ANO2: variants seen among roughly 807,000 people sequenced by gnomAD.
ANO2 encodes anoctamin 2.
Under a neutral mutation model 124.2 loss-of-function variants are expected in ANO2, and 101 were observed. The ratio of observed to expected loss-of-function variants is 0.81; its 90% confidence interval spans 0.69 to 0.96. ANO2 has a LOEUF of 0.96. Among genes scored for constraint, ANO2 ranks in the 40% least tolerant of loss-of-function variants. The probability of loss-of-function intolerance (pLI) is 0.00; values close to 1 mark genes in which losing one functional copy is unlikely to be tolerated. For missense variants in ANO2, 1,293 were observed against 1,274.5 expected, an observed-to-expected ratio of 1.01 and a Z score of -0.22; for synonymous variants, 486 against 482.5, an observed-to-expected ratio of 1.01 and a Z score of -0.09.
intron 14 of ANO2, among the ~76,000 whole-genome samples, chr12:5,725,097 TCACACACACA>T (rs35973206): frequency 1.3e-4 from 19 of 143,490 alleles, no homozygotes; most frequent in African/African-American, 4.5e-4. Flanking sequence ...TGTCTCCCTC[TCACACACACA>T]CACACACACA....
rs183302272 is a variant in ANO2, at chr12:5,862,992, G to A, written c.535-8851C>T. On this transcript the variant is annotated intron_variant, in intron 3 of 24. Transcript: ENST00000682330. This position sits in a 1 kb window ranked among gnomAD's most constrained non-coding sequence, Gnocchi z 4.0. ...TTTTTTTCTTTTTTTTAGTAGAGAC[G>A]GTGAGGGGAAACCCCTTTCATTTGG... 4.6e-5 allele frequency among the ~76,000 whole-genome samples: 7 copies of A among 151,868 alleles called. No homozygotes were observed. The highest frequency in any genetic ancestry group is 3.9e-4 in the East Asian group (2 of 5,156).
At chr12:5,869,807 C>A (rs1332024219) in intron 3 of ANO2, among the ~76,000 whole-genome samples, 1 of 152,260 alleles carries the variant, frequency 6.6e-6, no homozygotes, top group African/African-American at 2.4e-5. Flanking sequence ...CCCTGAGACA[C>A]CTGCCCCCTT....
chr12:5,903,678 G>GTGTGTGTGTGT (rs1565765485), intron 3 of ANO2, among the ~76,000 whole-genome samples: 8 of 108,600 alleles, frequency 7.4e-5, no homozygotes, highest in African/African-American at 2.6e-4. Flanking sequence ...TGTGTGTGTG[G>GTGTGTGTGTGT]GTGTAGACAG....
Position 5,801,452 on chromosome 12 carries a change from G to A in ANO2, c.991-1881C>T, listed in dbSNP as rs754612112. 5.9e-5 allele frequency among the ~76,000 whole-genome samples: 9 copies of A among 152,114 alleles called. 1 individual carries two copies. In the South Asian group the frequency reaches 8.3e-4, roughly 14 times the overall value. Reference sequence around the variant, plus strand: ...TCCTACCACATCACACACATTTCACGAGGAAATCTGTCAAGGAGAACCTAC... The same window carrying A: ...TCCTACCACATCACACACATTTCACAAGGAAATCTGTCAAGGAGAACCTAC... On this transcript the variant is annotated intron_variant, in intron 9 of 24. Coordinates refer to ENST00000682330, the MANE Select transcript of ANO2 (RefSeq NM_001364791.2).
At chr12:5,877,868 G>A (rs945751616) in intron 3 of ANO2, among the ~76,000 whole-genome samples, 2 of 152,322 alleles carry the variant, frequency 1.3e-5, no homozygotes, top group African/African-American at 2.4e-5. Context: ...ATCGAATGCC[G>A]CCGCTGATCT....
chr12:5,899,989 G>A (rs370826869), intron 3 of ANO2, among the ~76,000 whole-genome samples: 146 of 152,300 alleles, frequency 9.6e-4, no homozygotes, highest in African/African-American at 2.7e-3. Flanking sequence ...AAATTCATCA[G>A]CATCTTCTGA....
intron 15 of ANO2, among the ~76,000 whole-genome samples, chr12:5,647,201 A>G (rs909448670): frequency 3.3e-5 from 5 of 152,182 alleles, no homozygotes; most frequent in Admixed American, 2.6e-4. Flanking sequence ...CTACCACTTT[A>G]TTGATCTAAG....
intron 10 of ANO2, among the ~76,000 whole-genome samples, chr12:5,768,818 G>C (rs576846816): frequency 2.1e-4 from 32 of 152,214 alleles, no homozygotes; most frequent in Non-Finnish European, 3.2e-4. Flanking sequence ...AGCAGACACA[G>C]TAGCCACTCC....
chr12:5,604,077 G>C (rs932517576), intron 19 of ANO2, among the ~76,000 whole-genome samples: 1 of 152,086 alleles, frequency 6.6e-6, no homozygotes, highest in African/African-American at 2.4e-5. Flanking sequence ...CAGAGTCTGG[G>C]GTGATAGCAA....
At chr12:5,697,151 AG>A (rs765178913) in intron 14 of ANO2, among the ~76,000 whole-genome samples, 54 of 152,164 alleles carry the variant, frequency 3.5e-4, no homozygotes, top group Admixed American at 7.9e-4. Context: ...ATTGAAAAGG[AG>A]GCTGGGCATG....
At chr12:5,897,433 G>A (rs555617703) in intron 3 of ANO2, among the ~76,000 whole-genome samples, 4 of 152,334 alleles carry the variant, frequency 2.6e-5, no homozygotes, top group Admixed American at 2.0e-4. Context: ...GAGGCAGATT[G>A]GAGTAGGCTG....
intron 3 of ANO2, chr12:5,870,156 A>T (rs1328201080): frequency 1.3e-5 from 2 of 152,338 alleles, no homozygotes; most frequent in African/African-American, 2.4e-5. Flanking sequence ...TCTGCAGAGA[A>T]GCCTGGGGAG....
At chr12:5,878,577 A>C (rs1938268913) in intron 3 of ANO2, among the ~76,000 whole-genome samples, 1 of 152,256 alleles carries the variant, frequency 6.6e-6, no homozygotes, top group African/African-American at 2.4e-5. Flanking sequence ...GATTCAAATA[A>C]CATAGACAAA....
chr12:5,788,380 T>A (rs892414998), intron 10 of ANO2, among the ~76,000 whole-genome samples: 37 of 152,204 alleles, frequency 2.4e-4, no homozygotes, highest in Non-Finnish European at 4.4e-4. Context: ...TATTAATAGC[T>A]CTCACTTTCA....
At chr12:5,600,011 G>T (rs1192260209) in intron 19 of ANO2, among the ~76,000 whole-genome samples, 4 of 152,150 alleles carry the variant, frequency 2.6e-5, no homozygotes, top group Non-Finnish European at 4.4e-5. Context: ...TCTCCTCCTA[G>T]GTGAAACATT....
In ANO2 at chr12:5,563,000, C is replaced by T. The variant is rs539874461; in HGVS notation, c.*299G>A. ...GCCCCAGGGTACATGGGAATGCTCG[C>T]GGTGCCTGAGACTCTGGGGTGGAGA... On this transcript the variant is annotated 3_prime_UTR_variant, in exon 25 of 25. Transcript: ENST00000682330. The T allele has an allele frequency of 4.6e-5, 18 of 391,818 alleles. No homozygotes were observed. The highest frequency in any genetic ancestry group is 1.2e-4 in the African/African-American group (6 of 49,960). The allele number at this position is 391,818 out of a possible 1,614,324, so 24.3% of individuals were successfully genotyped here. A position where few individuals can be genotyped will look rare whatever the true frequency, so the allele number is the denominator to read the frequency against.
At chr12:5,833,609 C>A (rs1324388913) in intron 4 of ANO2, among the ~76,000 whole-genome samples, 1 of 152,172 alleles carries the variant, frequency 6.6e-6, no homozygotes, top group East Asian at 1.9e-4. Flanking sequence ...CTGGACCACA[C>A]AACAGGAGGT....
rs539498713 is a variant in ANO2, at chr12:5,904,548, C to T, written c.534+16492G>A. Among the ~76,000 whole-genome samples, 7 of 152,200 alleles carry T rather than the reference C, an allele frequency of 4.6e-5. No homozygotes were observed. The highest frequency in any genetic ancestry group is 1.0e-4 in the Non-Finnish European group (7 of 68,026). ...GGCGCACACACCTGTGGGTTTATCC[C>T]AGTACTGCTTCCGGGGGCAGCTGAC... On this transcript the variant is annotated intron_variant, in intron 3 of 24. Coordinates refer to ENST00000682330, the MANE Select transcript of ANO2 (RefSeq NM_001364791.2). The surrounding 1 kb of genome is among the most constrained non-coding windows in gnomAD (Gnocchi z 4.1).
chr12:5,806,809 T>C (rs993993819), intron 8 of ANO2, among the ~76,000 whole-genome samples: 1 of 152,220 alleles, frequency 6.6e-6, no homozygotes, highest in African/African-American at 2.4e-5. Flanking sequence ...TTTTTTAAAA[T>C]AATGATCTTT....
Sources: allele counts gnomAD v4.1 joint callset (sites outside exome capture counted in the v4.1 genomes callset), GRCh38; gene constraint gnomAD v4.1.1; non-coding constraint Gnocchi (gnomAD v3.1); transcripts MANE v1.5; gene names NCBI Gene and HGNC (gene_info 2026-07-23, HGNC 2026-07-21).